Variants in ZHX2 observed in about 807,000 individuals in gnomAD.
ZHX2 encodes zinc fingers and homeoboxes protein 2.
A neutral mutation model predicts 21.9 loss-of-function variants in ZHX2; 6 were observed. The observed-to-expected ratio is 0.27, with a 90% CI of 0.15 to 0.54. ZHX2 has a LOEUF of 0.54. Among genes scored for constraint, ZHX2 ranks in the 20% least tolerant of loss-of-function variants. The pLI, the probability that ZHX2 is intolerant of heterozygous loss-of-function variation, is 0.95. For synonymous variants in ZHX2, 434 were observed against 437.1 expected (o/e 0.99, Z 0.09); for missense variants, 908 against 1,090.7 (o/e 0.83, Z 2.36).
intron 1 of ZHX2, among the ~76,000 whole-genome samples, chr8:122,784,374 A>T (rs1387841979): frequency 6.6e-6 from 1 of 152,222 alleles, no homozygotes; most frequent in East Asian, 1.9e-4. Flanking sequence ...ATGGTTGAGG[A>T]AACAGAGGCT....
At chr8:122,868,499 A>C (rs1056826426) in intron 2 of ZHX2, among the ~76,000 whole-genome samples, 1 of 151,952 alleles carries the variant, frequency 6.6e-6, no homozygotes, top group African/African-American at 2.4e-5. Context: ...TATGCTTTAA[A>C]AAATAGCCAG....
intron 2 of ZHX2, among the ~76,000 whole-genome samples, chr8:122,891,269 ATTGTGTGTGTGTGTGTGTGTGTGTGT>A (rs1309917856): frequency 3.1e-4 from 43 of 138,842 alleles, no homozygotes; most frequent in African/African-American, 9.8e-4. Flanking sequence ...ATCTTGGTAG[ATTGTGTGTGTGTGTGTGTGTGTGTGT>A]GTGTGTGTGT....
chr8:122,953,868 G>A lies in ZHX2; in HGVS notation c.2358G>A (p.Glu786=), dbSNP rs1267365145. Residue 786 remains glutamate, a synonymous_variant, in exon 3 of 4, where the codon GAG becomes GAA. Coordinates refer to ENST00000314393, the MANE Select transcript of ZHX2 (RefSeq NM_014943.5). This position sits in a 1 kb window ranked among gnomAD's most constrained non-coding sequence, Gnocchi z 4.6. ...SRDGQGSDEN[E]ESSVVDYVEV... ...ACGGCCAGGGTAGCGACGAGAACGAGGAGTCGAGCGTTGTGGATTACGTGG... is the reference window on the plus strand; with the variant it reads ...ACGGCCAGGGTAGCGACGAGAACGAAGAGTCGAGCGTTGTGGATTACGTGG... The A allele has an allele frequency of 4.3e-6, 7 of 1,614,080 alleles. No homozygotes were observed. The Admixed American group carries it at 8.3e-5, about 19-fold the overall frequency.
intron 2 of ZHX2, among the ~76,000 whole-genome samples, chr8:122,912,743 C>T (rs1820512058): frequency 6.6e-6 from 1 of 152,078 alleles, no homozygotes; most frequent in Non-Finnish European, 1.5e-5. Flanking sequence ...TTAGCAAATA[C>T]TTAAGCACCT....
intron 2 of ZHX2, among the ~76,000 whole-genome samples, chr8:122,867,537 C>G (rs1190017067): frequency 6.6e-6 from 1 of 152,194 alleles, no homozygotes; most frequent in Non-Finnish European, 1.5e-5. Flanking sequence ...CAATGGGCAG[C>G]TTTGCTTCTA....
chr8:122,884,350 T>C (rs1819788306), intron 2 of ZHX2, among the ~76,000 whole-genome samples: 1 of 152,160 alleles, frequency 6.6e-6, no homozygotes, highest in Admixed American at 6.5e-5. Flanking sequence ...CACAAGCAAA[T>C]GCAAGATTCA....
chr8:122,878,194 A>G lies in ZHX2; in HGVS notation c.-220+14655A>G, dbSNP rs76034394. Among the ~76,000 whole-genome samples, 449 of 152,322 alleles carry G rather than the reference A, an allele frequency of 2.9e-3. 11 individuals carry two copies. The East Asian group carries it at 0.033, about 11-fold the overall frequency. On this transcript the variant is annotated intron_variant, in intron 2 of 3. Transcript: ENST00000314393. ...AGCAAAATACAATCAAAGCCATGGT[A>G]TGTTACATTTAAAAATACATGTGTG...
At chr8:122,872,751 C>T (rs904984819) in intron 2 of ZHX2, among the ~76,000 whole-genome samples, 3 of 152,180 alleles carry the variant, frequency 2.0e-5, no homozygotes, top group East Asian at 1.9e-4. Flanking sequence ...AACAAAAAGG[C>T]GGTTCGTTCG....
intron 2 of ZHX2, among the ~76,000 whole-genome samples, chr8:122,897,511 G>A (rs1184162500): frequency 6.6e-6 from 1 of 152,130 alleles, no homozygotes; most frequent in African/African-American, 2.4e-5. Context: ...TTTATCCCTT[G>A]CAGACTGAGA....
At chr8:122,941,068 TAA>T (rs11375328) in intron 2 of ZHX2, among the ~76,000 whole-genome samples, 44 of 133,488 alleles carry the variant, frequency 3.3e-4, no homozygotes, top group Admixed American at 2.2e-4. Flanking sequence ...CTATCTCTAT[TAA>T]AAAAAAAAAA....
rs115656203 is a variant in ZHX2, at chr8:122,824,655, T to C, written c.-282-38822T>C. ...ATCACTGGTACCAATATAGGGCCGG[T>C]CCCCTGGGTCCCCCATCTCTTGGTC... is the stretch of plus-strand genomic sequence containing the variant. On this transcript the variant is annotated intron_variant, in intron 1 of 3. Coordinates refer to ENST00000314393, the MANE Select transcript of ZHX2 (RefSeq NM_014943.5). Among the ~76,000 whole-genome samples, 943 of 152,320 alleles carry C rather than the reference T, an allele frequency of 6.2e-3. 7 individuals are homozygous for C. Among genetic ancestry groups the C allele is most frequent in the African/African-American group, 0.022 (911 of 41,564 alleles).
At chr8:122,790,631 G>A (rs1479622181) in intron 1 of ZHX2, among the ~76,000 whole-genome samples, 1 of 152,088 alleles carries the variant, frequency 6.6e-6, no homozygotes, top group Non-Finnish European at 1.5e-5. Context: ...TTTTTGAGAT[G>A]GAGTCTCACT....
chr8:122,925,118 A>G (rs774377878), intron 2 of ZHX2, among the ~76,000 whole-genome samples: 2 of 152,228 alleles, frequency 1.3e-5, no homozygotes, highest in East Asian at 1.9e-4. Context: ...CTGACTTCTC[A>G]GCATTTGAGA....
rs141175464 is a variant in ZHX2 at position 122,880,340 on chromosome 8, A to G, written c.-220+16801A>G. Among the ~76,000 whole-genome samples the G allele has an allele frequency of 6.8e-3, 1,033 of 151,958 alleles. 11 individuals are homozygous for G. The highest frequency in any genetic ancestry group is 0.024 in the African/African-American group (986 of 41,460). ...CGGAGTGACTCCCAGAGGACCCACCATGGTGGGGCTGGGACTCAGAGGCAA... is the reference window on the plus strand; with the variant it reads ...CGGAGTGACTCCCAGAGGACCCACCGTGGTGGGGCTGGGACTCAGAGGCAA... On this transcript the variant is annotated intron_variant, in intron 2 of 3. Transcript: ENST00000314393.
intron 2 of ZHX2, among the ~76,000 whole-genome samples, chr8:122,871,738 A>AAC (rs1554629520): frequency 6.6e-6 from 1 of 150,400 alleles, no homozygotes; most frequent in African/African-American, 2.4e-5. Flanking sequence ...CAAAAAAAAA[A>AAC]AAAAAAAAAC....
At chr8:122,868,460 C>A (rs189578071) in intron 2 of ZHX2, among the ~76,000 whole-genome samples, 46 of 152,144 alleles carry the variant, frequency 3.0e-4, no homozygotes, top group African/African-American at 1.0e-3. Context: ...CCAGCCTGGG[C>A]AGCATAGGGA....
intron 2 of ZHX2, among the ~76,000 whole-genome samples, chr8:122,892,111 G>A (rs578153605): frequency 6.6e-6 from 1 of 152,270 alleles, no homozygotes; most frequent in African/African-American, 2.4e-5. Context: ...TTCCTGTGCT[G>A]AGTGCATATA....
chr8:122,887,220 GAAAT>G (rs982555713), intron 2 of ZHX2, among the ~76,000 whole-genome samples: 4 of 151,856 alleles, frequency 2.6e-5, no homozygotes, highest in African/African-American at 9.7e-5. Context: ...TGGGTGAAAA[GAAAT>G]AAACTTCAGC....
chr8:122,904,197 G>A (rs1041446991), intron 2 of ZHX2, among the ~76,000 whole-genome samples: 2 of 152,130 alleles, frequency 1.3e-5, no homozygotes, highest in African/African-American at 2.4e-5. Context: ...AAAGTCTGCT[G>A]TCTCTAGCCA....
Sources: allele counts gnomAD v4.1 joint callset (sites outside exome capture counted in the v4.1 genomes callset), GRCh38; gene constraint gnomAD v4.1.1; non-coding constraint Gnocchi (gnomAD v3.1); transcripts MANE v1.5; gene names NCBI Gene and HGNC (gene_info 2026-07-23, HGNC 2026-07-21).